ABCB11: variants seen among roughly 807,000 people sequenced by gnomAD.
ABCB11 encodes bile salt export pump.
A neutral mutation model predicts 148.0 loss-of-function variants in ABCB11; 95 were observed. The observed-to-expected ratio is 0.64, with a 90% CI of 0.54 to 0.76. The LOEUF is 0.76. ABCB11 is among the 30% of genes least tolerant of loss of function. The pLI, the probability that ABCB11 is intolerant of heterozygous loss-of-function variation, is 0.00. For synonymous variants in ABCB11, 591 were observed against 555.4 expected (o/e 1.06, Z -0.90); for missense variants, 1,523 against 1,617.8 (o/e 0.94, Z 1.01).
chr2:168,917,297 C>T (rs888001116), downstream of ABCB11, among the ~76,000 whole-genome samples: 5 of 151,664 alleles, frequency 3.3e-5, no homozygotes, highest in African/African-American at 1.2e-4. Flanking sequence ...TTGAAATGGA[C>T]CAAAATTAAC....
At chr2:168,968,389 T>A (rs761878204) in intron 17 of ABCB11, 38 bp downstream of exon 17, 1 of 1,590,746 alleles carries the variant, frequency 6.3e-7, no homozygotes, top group East Asian at 2.3e-5. Context: ...CTCAGAATAT[T>A]TGGAAAGCTT....
intron 1 of ABCB11, among the ~76,000 whole-genome samples, chr2:169,021,050 C>G (rs1695523833): frequency 6.6e-6 from 1 of 151,890 alleles, no homozygotes; most frequent in Non-Finnish European, 1.5e-5. Flanking sequence ...GCAACCTCCA[C>G]CTCTTGGGTT....
chr2:168,992,006 TA>T (rs1207153375), intron 8 of ABCB11, among the ~76,000 whole-genome samples: 1 of 150,568 alleles, frequency 6.6e-6, no homozygotes, highest in Non-Finnish European at 1.5e-5. Flanking sequence ...CCTGGCTATT[TA>T]AAAAAAATTT....
At chr2:169,026,893 CA>C (rs1695714108) in intron 1 of ABCB11, among the ~76,000 whole-genome samples, 2 of 152,034 alleles carry the variant, frequency 1.3e-5, no homozygotes, top group Non-Finnish European at 2.9e-5. Context: ...GGTGTTTTGC[CA>C]CATTATTTTT....
chr2:168,930,848 C>A lies in ABCB11; in HGVS notation c.3228G>T (p.Gly1076=). ...ATTTACAATCAACAAAATCAATCTT[C>A]CCCTGGAAGTTGTCCTGTGGATGGG... ...TAGEKWDNFQ[G]KIDFVDCKFT... is the part of the protein sequence containing the mutation. The change falls in exon 25 of 28, where the codon GGG becomes GGT. Residue 1076 remains glycine, a synonymous_variant. Coordinates refer to ENST00000650372, the MANE Select transcript of ABCB11 (RefSeq NM_003742.4). 5.0e-6 allele frequency: 8 copies of A among 1,600,610 alleles called. No homozygotes were observed. The highest frequency in any genetic ancestry group is 6.8e-6 in the Non-Finnish European group (8 of 1,173,676).
At chr2:168,968,291 G>A in intron 17 of ABCB11, 136 bp downstream of exon 17, 1 of 756,240 alleles carries the variant, frequency 1.3e-6, no homozygotes, top group East Asian at 2.7e-5. Context: ...TCACTTGCAT[G>A]TTCATATTTG....
downstream of ABCB11, among the ~76,000 whole-genome samples, chr2:168,918,675 C>T (rs963151172): frequency 1.3e-5 from 2 of 152,148 alleles, no homozygotes; most frequent in Non-Finnish European, 2.9e-5. Flanking sequence ...CTTATTTGAC[C>T]TTTACCCCAT....
At chr2:168,954,380 C>G (rs957851535) in intron 19 of ABCB11, among the ~76,000 whole-genome samples, 3 of 151,412 alleles carry the variant, frequency 2.0e-5, no homozygotes, top group Non-Finnish European at 4.4e-5. Flanking sequence ...ATGTTTAAGA[C>G]CCCTTTGAGC....
chr2:168,952,319 T>A (rs1692602074), intron 19 of ABCB11, among the ~76,000 whole-genome samples: 1 of 151,660 alleles, frequency 6.6e-6, no homozygotes. Flanking sequence ...TCTGCCTGTT[T>A]GGTAGAATTC....
In ABCB11 at chr2:168,926,471, T is replaced by C. The variant is rs144416546; in HGVS notation, c.3618+685A>G. On this transcript the variant is annotated intron_variant, in intron 26 of 27. Transcript: ENST00000650372. ...AGAAAGGATAATTGTCCCAAAGCTA[T>C]GAAGCTACTAAGTGGCAAAGCTTGG... is the stretch of plus-strand genomic sequence containing the variant. Among the ~76,000 whole-genome samples the C allele has an allele frequency of 5.5e-3, 831 of 152,306 alleles. 10 individuals are homozygous for C. Among genetic ancestry groups the C allele is most frequent in the African/African-American group, 0.019 (796 of 41,560 alleles).
chr2:168,978,592 A>T (rs1694016829), intron 11 of ABCB11, among the ~76,000 whole-genome samples: 1 of 152,142 alleles, frequency 6.6e-6, no homozygotes, highest in African/African-American at 2.4e-5. Context: ...AGTGAACCAA[A>T]CAGGTTCAGG....
intron 18 of ABCB11, among the ~76,000 whole-genome samples, chr2:168,963,127 A>T (rs1341434823): frequency 6.6e-6 from 1 of 151,786 alleles, no homozygotes; most frequent in East Asian, 1.9e-4. Flanking sequence ...TTGAAATTAT[A>T]TCATGCATAA....
At chr2:168,961,624 C>A (rs1033356142) in intron 18 of ABCB11, among the ~76,000 whole-genome samples, 33 of 151,698 alleles carry the variant, frequency 2.2e-4, no homozygotes, top group African/African-American at 8.0e-4. Context: ...GTGGGTTTCC[C>A]TAATCCTAAA....
intron 8 of ABCB11, among the ~76,000 whole-genome samples, chr2:168,993,065 T>A (rs1026162372): frequency 1.3e-5 from 2 of 152,092 alleles, no homozygotes; most frequent in African/African-American, 4.8e-5. Flanking sequence ...CAGGCCTCAA[T>A]TCCTGGGGAA....
intron 23 of ABCB11, 43 bp downstream of exon 23, chr2:168,935,141 C>A (rs945362357): frequency 2.5e-6 from 4 of 1,609,910 alleles, no homozygotes; most frequent in Non-Finnish European, 2.5e-6. Context: ...CTATTCCTTC[C>A]TTGTGTGTTG....
intron 8 of ABCB11, among the ~76,000 whole-genome samples, chr2:168,991,432 A>C (rs1319097267): frequency 6.6e-6 from 1 of 152,140 alleles, no homozygotes; most frequent in South Asian, 2.1e-4. Flanking sequence ...ACGCTCAACT[A>C]TGTAGTTTTG....
intron 9 of ABCB11, among the ~76,000 whole-genome samples, chr2:168,988,834 T>C (rs1219468829): frequency 6.6e-6 from 1 of 152,170 alleles, no homozygotes; most frequent in Non-Finnish European, 1.5e-5. Context: ...TATCTCATTG[T>C]GGTTTTGACT....
intron 17 of ABCB11, among the ~76,000 whole-genome samples, chr2:168,964,821 C>A (rs1444665231): frequency 6.6e-6 from 1 of 151,834 alleles, no homozygotes; most frequent in Non-Finnish European, 1.5e-5. Flanking sequence ...TGCATTCAGA[C>A]ATGCATGAAT....
intron 10 of ABCB11, among the ~76,000 whole-genome samples, chr2:168,980,549 T>C (rs1694099470): frequency 6.6e-6 from 1 of 152,218 alleles, no homozygotes; most frequent in Admixed American, 6.5e-5. Flanking sequence ...GTGTTTTATC[T>C]GTATTATTTC....
Sources: allele counts gnomAD v4.1 joint callset (sites outside exome capture counted in the v4.1 genomes callset), GRCh38; gene constraint gnomAD v4.1.1; transcripts MANE v1.5; gene names NCBI Gene and HGNC (gene_info 2026-07-23, HGNC 2026-07-21).